Variants in PELI2 observed in about 807,000 individuals in gnomAD.
PELI2 encodes E3 ubiquitin-protein ligase pellino homolog 2.
Under a neutral mutation model 42.3 loss-of-function variants are expected in PELI2, and 23 were observed. The observed-to-expected ratio is 0.54, with a 90% CI of 0.39 to 0.77. The LOEUF (loss-of-function observed/expected upper bound fraction) is 0.77. Ranked by LOEUF, PELI2 falls within the 30% of genes least tolerant of loss-of-function variation. PELI2 has a pLI of 0.00. For missense variants in PELI2, 463 were observed against 553.2 expected (o/e 0.84, Z 1.64); for synonymous variants, 245 against 212.2 (o/e 1.15, Z -1.34).
At chr14:56,294,554 T>C in intron 5 of PELI2, among the ~76,000 whole-genome samples, 1 of 152,178 alleles carries the variant, frequency 6.6e-6, no homozygotes, top group East Asian at 1.9e-4. Context: ...TTCTGGTGCT[T>C]CCCATACCTC....
intron 3 of PELI2, among the ~76,000 whole-genome samples, chr14:56,286,181 T>C (rs1203728506): frequency 6.6e-6 from 1 of 152,074 alleles, no homozygotes; most frequent in Non-Finnish European, 1.5e-5. Flanking sequence ...AAGGAGAAAT[T>C]GGTGACTCAA....
chr14:56,194,144 A>G (rs1702874520), intron 2 of PELI2, among the ~76,000 whole-genome samples: 1 of 152,168 alleles, frequency 6.6e-6, no homozygotes, highest in South Asian at 2.1e-4. Context: ...TGAGTGTCAG[A>G]TGCTTTTATT....
intron 3 of PELI2, among the ~76,000 whole-genome samples, chr14:56,281,817 A>T (rs2139878300): frequency 6.6e-6 from 1 of 152,260 alleles, no homozygotes; most frequent in African/African-American, 2.4e-5. Flanking sequence ...AATATGCTCA[A>T]CCTCATTTAC....
chr14:56,123,181 T>C (rs1377104313), intron 1 of PELI2, among the ~76,000 whole-genome samples: 1 of 151,904 alleles, frequency 6.6e-6, no homozygotes, highest in Non-Finnish European at 1.5e-5. Flanking sequence ...TATGGTCTTT[T>C]TTTTTTTTTT....
intron 1 of PELI2, among the ~76,000 whole-genome samples, chr14:56,125,343 A>G (rs973382659): frequency 6.6e-6 from 1 of 151,654 alleles, no homozygotes; most frequent in African/African-American, 2.4e-5. Context: ...AGGAGTAGAT[A>G]AAAAATGGAA....
chr14:56,189,710 C>T (rs951678362), intron 2 of PELI2, among the ~76,000 whole-genome samples: 2 of 152,146 alleles, frequency 1.3e-5, no homozygotes, highest in Non-Finnish European at 2.9e-5. Context: ...TACTTATTGG[C>T]AGTTTAATTA....
chr14:56,181,026 T>C (rs12888678), intron 2 of PELI2, among the ~76,000 whole-genome samples: 64,724 of 152,034 alleles, frequency 0.43, 14,080 homozygotes, highest in South Asian at 0.54. Context: ...TCTCCCTGAC[T>C]CCGTAGCATC....
chr14:56,208,292 A>G (rs1056359468), intron 2 of PELI2, among the ~76,000 whole-genome samples: 15 of 152,186 alleles, frequency 9.9e-5, no homozygotes, highest in Admixed American at 9.8e-4. Flanking sequence ...GACAGAGAGG[A>G]CTTTCCAGAA....
intron 2 of PELI2, among the ~76,000 whole-genome samples, chr14:56,229,694 C>G (rs1338443449): frequency 1.3e-5 from 2 of 152,174 alleles, no homozygotes; most frequent in African/African-American, 4.8e-5. Context: ...CTCTTCTCCC[C>G]CAAAGGAATG....
chr14:56,252,956 C>T (rs1263273672), intron 2 of PELI2, among the ~76,000 whole-genome samples: 1 of 152,170 alleles, frequency 6.6e-6, no homozygotes, highest in African/African-American at 2.4e-5. Flanking sequence ...TGAAAATCCT[C>T]AGTAAAATAC....
At chr14:56,173,643 A>G (rs1249268936) in intron 1 of PELI2, among the ~76,000 whole-genome samples, 2 of 152,090 alleles carry the variant, frequency 1.3e-5, no homozygotes, top group Non-Finnish European at 2.9e-5. Context: ...AAGGCTCTTA[A>G]GGGGAGAATC....
chr14:56,279,738 G>T lies in PELI2; in HGVS notation c.270G>T (p.Val90=). ...SYTLSRNQTV[V]VEYTHDKDTD... is the part of the protein sequence containing the mutation. ...CTTTGTCAAGGAATCAGACTGTGGT[G>T]GTGGAGTACACACATGATAAGGATA... The change falls in exon 3 of 6, where the codon GTG becomes GTT. Residue 90 remains valine (V), a synonymous_variant. Coordinates refer to ENST00000267460, the MANE Select transcript of PELI2 (RefSeq NM_021255.3). 6.2e-7 allele frequency: 1 copy of T among 1,602,196 alleles called. No homozygotes were observed. Among genetic ancestry groups the T allele is most frequent in the Non-Finnish European group, 8.5e-7 (1 of 1,169,722 alleles).
Position 56,297,195 on chromosome 14 carries a change from T to TA in PELI2, c.*31dup. On this transcript the variant is annotated 3_prime_UTR_variant, in exon 6 of 6. Coordinates refer to ENST00000267460, the MANE Select transcript of PELI2 (RefSeq NM_021255.3). ...CCTTGACAGCCATCTACGACTTTAT[T>TA]AACAGGTTACTGTGAAGATTTTGCC... 1.3e-6 allele frequency: 2 copies of TA among 1,496,246 alleles called. No individual in the cohort carries two copies. Among genetic ancestry groups the TA allele is most frequent in the Non-Finnish European group, 1.8e-6 (2 of 1,097,416 alleles). The allele number at this position is 1,496,246 out of a possible 1,614,324, so 92.7% of individuals were successfully genotyped here.
At chr14:56,225,482 C>T (rs752909221) in intron 2 of PELI2, among the ~76,000 whole-genome samples, 16 of 152,170 alleles carry the variant, frequency 1.1e-4, no homozygotes, top group Non-Finnish European at 1.9e-4. Flanking sequence ...CCTCCTGGAG[C>T]TCCCAGAATG....
chr14:56,151,810 A>G (rs1267536607), intron 1 of PELI2, among the ~76,000 whole-genome samples: 3 of 152,256 alleles, frequency 2.0e-5, no homozygotes, highest in Admixed American at 2.0e-4. Context: ...TTTATTTAAG[A>G]AGACAAAGTT....
At chr14:56,121,382 G>A (rs770428286) in intron 1 of PELI2, among the ~76,000 whole-genome samples, 2 of 151,920 alleles carry the variant, frequency 1.3e-5, no homozygotes, top group Non-Finnish European at 2.9e-5. Flanking sequence ...ATATCTTTTT[G>A]TGTGTTACAC....
chr14:56,150,900 A>T (rs1201854507), intron 1 of PELI2, among the ~76,000 whole-genome samples: 2 of 152,194 alleles, frequency 1.3e-5, no homozygotes, highest in African/African-American at 2.4e-5. Flanking sequence ...GGACCAGGTG[A>T]TGCACAGGAT....
chr14:56,251,294 C>G (rs1888334944), intron 2 of PELI2, among the ~76,000 whole-genome samples: 1 of 152,218 alleles, frequency 6.6e-6, no homozygotes, highest in Non-Finnish European at 1.5e-5. Flanking sequence ...ATGCAATTAT[C>G]CTCCTAGGAA....
intron 1 of PELI2, among the ~76,000 whole-genome samples, chr14:56,125,882 A>G (rs1002352468): frequency 5.3e-5 from 8 of 151,994 alleles, no homozygotes; most frequent in African/African-American, 1.9e-4. Flanking sequence ...TCTTGGAGAA[A>G]TGGATTTCTG....
Sources: gnomAD v4.1 joint callset for allele counts (sites outside exome capture counted in the v4.1 genomes callset) on GRCh38, gnomAD v4.1.1 for gene constraint, MANE v1.5 for transcripts, NCBI Gene and HGNC (gene_info 2026-07-23, HGNC 2026-07-21) for gene names.